Variants in SMG8 observed in about 807,000 individuals in gnomAD.
SMG8 encodes the protein SMG8 nonsense mediated mRNA decay factor.
SMG8 carries 49 observed loss-of-function variants against 82.1 expected under a neutral mutation model. The ratio of observed to expected loss-of-function variants is 0.60; its 90% CI spans 0.47 to 0.76. The LOEUF (loss-of-function observed/expected upper bound fraction) is 0.76. Ranked by LOEUF, SMG8 falls within the 30% of genes least tolerant of loss-of-function variation. SMG8 has a pLI of 0.00. For synonymous variants in SMG8, 404 were observed against 430.0 expected (o/e 0.94, Z 0.75); for missense variants, 969 against 1,166.4 (o/e 0.83, Z 2.46).
Position 59,211,809 on chromosome 17 carries a change from AG to A in SMG8, c.1759+1del. On this transcript the variant is annotated frameshift_variant and splice_region_variant, in exon 1 of 4. Coordinates refer to ENST00000300917, the MANE Select transcript of SMG8 (RefSeq NM_018149.7). LOFTEE classifies it high-confidence loss of function. ...VHKFHSLPKS[G>X]EKPEADRNPP... ...ACAAATTTCACTCATTACCTAAATC[AG>A]GTAGCTAAAATTTGTTCAGCATTTT... 1.3e-6 allele frequency: 2 copies of A among 1,518,562 alleles called. No homozygotes were observed. Among genetic ancestry groups the A allele is most frequent in the Non-Finnish European group, 1.8e-6 (2 of 1,139,872 alleles). 94.1% of individuals were successfully genotyped at this position (1,518,562 alleles called of 1,614,324 possible). A position where few individuals can be genotyped will look rare whatever the true frequency, so the allele number is the denominator to read the frequency against.
chr17:59,215,112 T>C lies in SMG8; in HGVS notation c.*110T>C, dbSNP rs2046961854. 24 of 693,776 alleles carry C rather than the reference T, an allele frequency of 3.5e-5. No individual in the cohort carries two copies. Among genetic ancestry groups the C allele is most frequent in the Non-Finnish European group, 5.8e-5 (23 of 394,052 alleles). The allele number at this position is 693,776 out of a possible 1,614,324, so 43.0% of individuals were successfully genotyped here. On this transcript the variant is annotated 3_prime_UTR_variant, in exon 4 of 4. Coordinates refer to ENST00000300917, the MANE Select transcript of SMG8 (RefSeq NM_018149.7). ...TGTTTTCCCAAATCCAAAATGTGTT[T>C]TGGTTACAGGAGTTCAGTATTTGGA...
rs1265699610 is a variant in SMG8 at position 59,211,450 on chromosome 17, T to G, written c.1399T>G (p.Leu467Val). Residue 467 changes from leucine to valine, a missense_variant, in exon 1 of 4, where the codon TTG becomes GTG. By Grantham distance (32) the Leu-to-Val change is conservative. Transcript: ENST00000300917. ...GGCTATTGATGGGAAAGAAGAGGAC[T>G]TGGGGTCACCCACTGGAGAGCTAAC... The part of the protein sequence containing the change: ...EVAIDGKEED[L>V]GSPTGELTSK... The G allele has an allele frequency of 3.1e-6, 5 of 1,614,210 alleles. No homozygotes were observed. The highest frequency in any genetic ancestry group is 4.2e-6 in the Non-Finnish European group (5 of 1,180,020).
chr17:59,211,333 G>C lies in SMG8; in HGVS notation c.1282G>C (p.Asp428His). Residue 428 changes from aspartate (D) to histidine (H), a missense_variant, in exon 1 of 4, where the codon GAT becomes CAT. This residue lies in a region of SMG8 where 662 missense variants were observed against 884.8 expected (regional missense o/e 0.75). Coordinates refer to ENST00000300917, the MANE Select transcript of SMG8 (RefSeq NM_018149.7). ...VELVLSKKGF[D>H]DSVGRNPQPS... ...GCTAGTTCTAAGCAAGAAAGGTTTC[G>C]ATGACAGTGTGGGCAGGAACCCACA... The C allele has an allele frequency of 6.2e-7, 1 of 1,614,122 alleles. No homozygotes were observed. The highest frequency in any genetic ancestry group is 1.1e-5 in the South Asian group (1 of 91,062).
chr17:59,212,340 G>A lies in SMG8; in HGVS notation c.1760-1G>A. 1 of 1,554,638 alleles carries A rather than the reference G, an allele frequency of 6.4e-7. No individual in the cohort carries two copies. The highest frequency in any genetic ancestry group is 8.8e-7 in the Non-Finnish European group (1 of 1,140,994). ...TTAATAGTGGCTGTTATATTTTCCA[G>A]GAGAAAAACCAGAGGCTGATAGAAA... On this transcript the variant is annotated splice_acceptor_variant, in intron 1 of 3. Coordinates refer to ENST00000300917, the MANE Select transcript of SMG8 (RefSeq NM_018149.7). LOFTEE classifies it high-confidence loss of function.
At position 59,211,625 on chromosome 17, in the gene SMG8, A is replaced by G. The variant is rs375702708; in HGVS notation, c.1574A>G (p.Lys525Arg). 2.7e-5 allele frequency: 43 copies of G among 1,613,976 alleles called. No individual in the cohort carries two copies. The highest frequency in any genetic ancestry group is 3.5e-5 in the Non-Finnish European group (41 of 1,180,010). ...CATAATTACACAATGACTGTCCATAAGAATCAGCTTGCCCAGGCTCTTCGA... is the reference window on the plus strand; with the variant it reads ...CATAATTACACAATGACTGTCCATAGGAATCAGCTTGCCCAGGCTCTTCGA... ...LPHNYTMTVH[K>R]NQLAQALRVY... The change falls in exon 1 of 4, where the codon AAG becomes AGG. Residue 525 changes from lysine (K) to arginine (R), a missense_variant. Physicochemically the swap from Lys to Arg is conservative, Grantham distance 26. Transcript: ENST00000300917.
chr17:59,213,933 C>A (rs1163367699), intron 3 of SMG8, among the ~76,000 whole-genome samples: 5 of 152,144 alleles, frequency 3.3e-5, no homozygotes, highest in Non-Finnish European at 7.3e-5. Flanking sequence ...GTATTTTAAT[C>A]CGTTCATGCT....
chr17:59,210,422 AAGGTAACCGAACTGAGGC>A lies in SMG8; in HGVS notation c.375_392del (p.Asn126_Gly131del). 1 of 1,610,544 alleles carries A rather than the reference AAGGTAACCGAACTGAGGC, an allele frequency of 6.2e-7. No individual in the cohort carries two copies. The highest frequency in any genetic ancestry group is 8.5e-7 in the Non-Finnish European group (1 of 1,178,620). ...GTTCGGGGAAGTGGAGCTGTCGCGG[AAGGTAACCGAACTGAGGC>A]AGGCTCCCAGGACTACAGCCTTCTG... On this transcript the variant is annotated inframe_deletion, in exon 1 of 4. Transcript: ENST00000300917.
chr17:59,210,223 C>G lies in SMG8; in HGVS notation c.172C>G (p.Leu58Val). ...TGTGGGAATCTTCGGCAAGACGGCT[C>G]TACGCCTGAATTCCGAGAAGTTCTC... ...CVVGIFGKTA[L>V]RLNSEKFSLV... is the part of the protein sequence containing the mutation. The change falls in exon 1 of 4, where the codon CTA becomes GTA. Residue 58 changes from leucine (L) to valine (V), a missense_variant. Coordinates refer to ENST00000300917, the MANE Select transcript of SMG8 (RefSeq NM_018149.7). The G allele has an allele frequency of 6.2e-7, 1 of 1,607,910 alleles. No homozygotes were observed. Among genetic ancestry groups the G allele is most frequent in the Non-Finnish European group, 8.5e-7 (1 of 1,177,094 alleles).
Position 59,212,983 on chromosome 17 carries a change from A to T in SMG8, c.2160A>T (p.Pro720=). Residue 720 remains proline, a synonymous_variant, in exon 3 of 4, where the codon CCA becomes CCT. Coordinates refer to ENST00000300917, the MANE Select transcript of SMG8 (RefSeq NM_018149.7). ...ATCCACAAGCAGGAGGAGATAATCC[A>T]GAAGTTCATGGTCAAGTAGAAGTGA... The part of the protein sequence containing the change: ...PADPQAGGDN[P]EVHGQVEVKT... 1 of 1,614,196 alleles carries T rather than the reference A, an allele frequency of 6.2e-7. No individual in the cohort carries two copies. Among genetic ancestry groups the T allele is most frequent in the South Asian group, 1.1e-5 (1 of 91,088 alleles).
chr17:59,210,913 C>A lies in SMG8; in HGVS notation c.862C>A (p.Pro288Thr). The change falls in exon 1 of 4, where the codon CCA becomes ACA. Residue 288 changes from proline to threonine, a missense_variant. Physicochemically the swap from Pro to Thr is conservative, Grantham distance 38. Around this residue, in one of 3 missense-constraint regions of SMG8, gnomAD observed 662 missense variants for 884.8 expected, o/e 0.75. Transcript: ENST00000300917. ...TCCTCGGAACCAAGACCCAGCTCAT[C>A]CAGACAAGCCCAAGAAACATTCTCC... The part of the protein sequence containing the change: ...EPPRNQDPAH[P>T]DKPKKHSPKR... 6.2e-7 allele frequency: 1 copy of A among 1,614,174 alleles called. No individual in the cohort carries two copies. The highest frequency in any genetic ancestry group is 8.5e-7 in the Non-Finnish European group (1 of 1,180,036).
chr17:59,210,694 C>A lies in SMG8; in HGVS notation c.643C>A (p.Pro215Thr), dbSNP rs751678341. The A allele has an allele frequency of 1.2e-6, 2 of 1,614,128 alleles. No homozygotes were observed. Among genetic ancestry groups the A allele is most frequent in the Admixed American group, 3.3e-5 (2 of 60,008 alleles). Residue 215 changes from proline (P) to threonine (T), a missense_variant, in exon 1 of 4, where the codon CCC (proline) becomes ACC (threonine). By Grantham distance (38) the Pro-to-Thr change is conservative. This residue lies in a region of SMG8 where 662 missense variants were observed against 884.8 expected (regional missense o/e 0.75). Transcript: ENST00000300917. The stretch of plus-strand genomic sequence containing the variant: ...CTGTCATATCTTGCTTCTGGTCCAT[C>A]CCACTTGTTCCTTTGATATCACTTA... ...SVCHILLLVH[P>T]TCSFDITYDR...
chr17:59,215,144 T>C lies in SMG8; in HGVS notation c.*142T>C, dbSNP rs1248828368. On this transcript the variant is annotated 3_prime_UTR_variant, in exon 4 of 4. Coordinates refer to ENST00000300917, the MANE Select transcript of SMG8 (RefSeq NM_018149.7). ...CAGGAGTTCAGTATTTGGAAACTAA[T>C]TTGTTCTACTTTTTCATTATATTGT... 3.4e-6 allele frequency: 2 copies of C among 582,234 alleles called. No homozygotes were observed. Among genetic ancestry groups the C allele is most frequent in the Non-Finnish European group, 6.1e-6 (2 of 328,136 alleles). 36.1% of individuals were successfully genotyped at this position (582,234 alleles called of 1,614,324 possible).
chr17:59,210,216 G>A lies in SMG8; in HGVS notation c.165G>A (p.Lys55=). 2.5e-6 allele frequency: 4 copies of A among 1,604,820 alleles called. No individual in the cohort carries two copies. Among genetic ancestry groups the A allele is most frequent in the Middle Eastern group, 1.7e-4 (1 of 6,004 alleles). Residue 55 remains lysine, a synonymous_variant, in exon 1 of 4, where the codon AAG becomes AAA. Transcript: ENST00000300917. ...TCTGCGTTGTGGGAATCTTCGGCAA[G>A]ACGGCTCTACGCCTGAATTCCGAGA... is the stretch of plus-strand genomic sequence containing the variant. The part of the protein sequence containing the change: ...DEICVVGIFG[K]TALRLNSEKF...
chr17:59,210,963 G>A lies in SMG8; in HGVS notation c.912G>A (p.Leu304=), dbSNP rs928960058. The part of the protein sequence containing the change: ...HSPKRRLQHA[L]EDQIYRIFRK... ...CCAAAAGGAGGCTGCAGCATGCCCTGGAGGACCAGATCTATAGAATCTTCC... is the reference window on the plus strand; with the variant it reads ...CCAAAAGGAGGCTGCAGCATGCCCTAGAGGACCAGATCTATAGAATCTTCC... Residue 304 remains leucine (L), a synonymous_variant, in exon 1 of 4, where the codon CTG becomes CTA. Transcript: ENST00000300917. 2.5e-6 allele frequency: 4 copies of A among 1,614,054 alleles called. No homozygotes were observed. In the African/African-American group the frequency reaches 5.3e-5, roughly 22 times the overall value.
Position 59,210,359 on chromosome 17 carries a change from G to T in SMG8, c.308G>T (p.Gly103Val). 1 of 1,611,734 alleles carries T rather than the reference G, an allele frequency of 6.2e-7. No individual in the cohort carries two copies. Among genetic ancestry groups the T allele is most frequent in the South Asian group, 1.1e-5 (1 of 90,806 alleles). ...GAGGCTGGCGCCGTGGGTGAGGCCG[G>T]TGGAGCCGAGGACCCTGGGGCTGCA... The part of the protein sequence containing the change: ...RTEAGAVGEA[G>V]GAEDPGAAAG... Residue 103 changes from glycine (G) to valine (V), a missense_variant, in exon 1 of 4, where the codon GGT (glycine) becomes GTT (valine). Physicochemically the swap from Gly to Val is moderately radical, Grantham distance 109. Transcript: ENST00000300917.
rs773576278 is a variant in SMG8, at chr17:59,211,318, A to G, written c.1267A>G (p.Ser423Gly). 2 of 1,614,020 alleles carry G rather than the reference A, an allele frequency of 1.2e-6. No individual in the cohort carries two copies. The highest frequency in any genetic ancestry group is 2.7e-5 in the African/African-American group (2 of 74,934). Reference protein sequence around the residue: ...FLWQHVELVLSKKGFDDSVGR... With the variant: ...FLWQHVELVLGKKGFDDSVGR... ...ATGGCAGCATGTGGAGCTAGTTCTA[A>G]GCAAGAAAGGTTTCGATGACAGTGT... Residue 423 changes from serine to glycine, a missense_variant, in exon 1 of 4, where the codon AGC becomes GGC. Ser to Gly is a moderately conservative substitution (Grantham distance 56). This residue lies in a region of SMG8 where 662 missense variants were observed against 884.8 expected (regional missense o/e 0.75). Transcript: ENST00000300917.
Position 59,211,379 on chromosome 17 carries a change from C to CT in SMG8, c.1329dup (p.Thr444TyrfsTer14). 6.2e-7 allele frequency: 1 copy of CT among 1,614,190 alleles called. No individual in the cohort carries two copies. Among genetic ancestry groups the CT allele is most frequent in the Non-Finnish European group, 8.5e-7 (1 of 1,180,024 alleles). On this transcript the variant is annotated frameshift_variant, in exon 1 of 4. Transcript: ENST00000300917. LOFTEE classifies it high-confidence loss of function. ...CCACAGCCTTCCCATTTTGAACTTC[C>CT]TACTTATCAGAAGTGGATCTCAGCA...
Position 59,210,771 on chromosome 17 carries a change from C to T in SMG8, c.720C>T (p.Leu240=), listed in dbSNP as rs746571120. 2.5e-6 allele frequency: 4 copies of T among 1,614,130 alleles called. No homozygotes were observed. The Admixed American group carries it at 6.7e-5, about 27-fold the overall frequency. ...LDGLRQKVLP[L]LKTAIKDCPV... ...GGCTGAGACAGAAGGTCCTGCCGCT[C>T]CTTAAAACAGCCATTAAGGATTGTC... Residue 240 remains leucine, a synonymous_variant, in exon 1 of 4, where the codon CTC becomes CTT. Transcript: ENST00000300917.
chr17:59,210,195 C>A lies in SMG8; in HGVS notation c.144C>A (p.Cys48Ter), dbSNP rs144269232. Reference sequence around the variant, plus strand: ...CTCCATGGCGGGAGGATGAGATCTGCGTTGTGGGAATCTTCGGCAAGACGG... The same window carrying A: ...CTCCATGGCGGGAGGATGAGATCTGAGTTGTGGGAATCTTCGGCAAGACGG... The part of the protein sequence containing the change: ...PEPPWREDEI[C>*]VVGIFGKTAL... The change falls in exon 1 of 4, where the codon TGC (cysteine) becomes TGA (stop). Residue 48 changes from cysteine to a stop codon, truncating the protein, a stop_gained. Coordinates refer to ENST00000300917, the MANE Select transcript of SMG8 (RefSeq NM_018149.7). LOFTEE classifies it high-confidence loss of function. 1 of 1,600,120 alleles carries A rather than the reference C, an allele frequency of 6.2e-7. No individual in the cohort carries two copies. The highest frequency in any genetic ancestry group is 1.3e-5 in the African/African-American group (1 of 74,660).
Sources: gnomAD v4.1 joint callset for allele counts (sites outside exome capture counted in the v4.1 genomes callset) on GRCh38, gnomAD v4.1.1 for gene constraint, gnomAD v4.1.1 regional missense constraint, MANE v1.5 for transcripts, NCBI Gene and HGNC (gene_info 2026-07-23, HGNC 2026-07-21) for gene names.